Variants in ZFAND3 observed in about 807,000 individuals in gnomAD.
ZFAND3 encodes zinc finger AN1-type containing 3, also known as AN1-type zinc finger protein 3.
Under a neutral mutation model 29.6 loss-of-function variants are expected in ZFAND3, and 10 were observed. The ratio of observed to expected loss-of-function variants is 0.34; its 90% CI spans 0.21 to 0.57. The LOEUF (loss-of-function observed/expected upper bound fraction) is 0.57. Among genes scored for constraint, ZFAND3 ranks in the 20% least tolerant of loss-of-function variants. The pLI is 0.86. For missense variants in ZFAND3, 230 were observed against 304.5 expected (o/e 0.76, Z 1.82); for synonymous variants, 128 against 112.6 (o/e 1.14, Z -0.87).
intron 1 of ZFAND3, among the ~76,000 whole-genome samples, chr6:37,855,566 G>T (rs1281116742): frequency 6.6e-6 from 1 of 152,122 alleles, no homozygotes; most frequent in African/African-American, 2.4e-5. Context: ...TAATGAAAGA[G>T]GGAAGGAATT....
intron 5 of ZFAND3, among the ~76,000 whole-genome samples, chr6:38,120,614 C>A (rs1367297379): frequency 6.6e-6 from 1 of 152,120 alleles, no homozygotes; most frequent in Non-Finnish European, 1.5e-5. Flanking sequence ...GCATGATCCA[C>A]CACGCCCGGC....
chr6:37,962,085 G>A (rs1030729969), intron 2 of ZFAND3, among the ~76,000 whole-genome samples: 1 of 152,162 alleles, frequency 6.6e-6, no homozygotes, highest in African/African-American at 2.4e-5. Context: ...CAAAACATCT[G>A]TTTTGAGGAA....
chr6:37,874,314 G>A (rs1764753008), intron 1 of ZFAND3, among the ~76,000 whole-genome samples: 1 of 152,056 alleles, frequency 6.6e-6, no homozygotes. Context: ...TCGGGAGTTC[G>A]AGAACAGCCT....
chr6:38,144,190 T>TATTATATATATATATATA (rs1562015733), intron 5 of ZFAND3, among the ~76,000 whole-genome samples: 25 of 41,138 alleles, frequency 6.1e-4, no homozygotes, highest in African/African-American at 3.2e-3. Context: ...ATATAATATA[T>TATTATATATATATATATA]ATATATATAT....
At chr6:37,926,731 T>G (rs1436397183) in intron 1 of ZFAND3, among the ~76,000 whole-genome samples, 1 of 152,216 alleles carries the variant, frequency 6.6e-6, no homozygotes, top group Non-Finnish European at 1.5e-5. Context: ...TAAGAGTAGT[T>G]TCACTGCTCC....
intron 2 of ZFAND3, among the ~76,000 whole-genome samples, chr6:38,026,457 G>T (rs1763451662): frequency 4.5e-5 from 5 of 110,190 alleles, no homozygotes; most frequent in Admixed American, 1.3e-4. Context: ...TGAGACAAGA[G>T]TCTCACTCTG....
intron 2 of ZFAND3, among the ~76,000 whole-genome samples, chr6:37,942,251 A>T (rs1761823805): frequency 6.6e-6 from 1 of 150,782 alleles, no homozygotes; most frequent in African/African-American, 2.4e-5. Context: ...AAGAGCCATT[A>T]TAAAAGATCA....
intron 1 of ZFAND3, among the ~76,000 whole-genome samples, chr6:37,847,275 C>T (rs1457776317): frequency 6.6e-6 from 1 of 151,962 alleles, no homozygotes; most frequent in South Asian, 2.1e-4. Flanking sequence ...AACAAGTGCC[C>T]CCAAAAACCT....
At position 38,061,655 on chromosome 6, in the gene ZFAND3, T is replaced by A. The variant is rs775517044; in HGVS notation, c.175T>A (p.Leu59Met). The A allele has an allele frequency of 4.3e-6, 7 of 1,614,184 alleles. No individual in the cohort carries two copies. Among genetic ancestry groups the A allele is most frequent in the South Asian group, 3.3e-5 (3 of 91,080 alleles). The stretch of plus-strand genomic sequence containing the variant: ...AAGTACAAGTAACAGCCAATCAGAT[T>A]TGTTTTCCGAAGAGACCACCAGTGA... ...APSTSNSQSD[L>M]FSEETTSDNN... Residue 59 changes from leucine (L) to methionine (M), a missense_variant, in exon 3 of 6, where the codon TTG (leucine) becomes ATG (methionine). Coordinates refer to ENST00000287218, the MANE Select transcript of ZFAND3 (RefSeq NM_021943.3).
chr6:37,911,404 T>C (rs1765518669), intron 1 of ZFAND3, among the ~76,000 whole-genome samples: 1 of 152,254 alleles, frequency 6.6e-6, no homozygotes, highest in South Asian at 2.1e-4. Context: ...GTTTTCTTGC[T>C]ATTGAGTTGA....
At chr6:37,842,399 G>A (rs750837288) in intron 1 of ZFAND3, among the ~76,000 whole-genome samples, 4 of 152,064 alleles carry the variant, frequency 2.6e-5, no homozygotes, top group African/African-American at 9.7e-5. Flanking sequence ...TTTGAAAGTC[G>A]TATAAATGGA....
chr6:37,884,094 T>C (rs1401642452), intron 1 of ZFAND3, among the ~76,000 whole-genome samples: 3 of 145,402 alleles, frequency 2.1e-5, no homozygotes, highest in Admixed American at 2.0e-4. Context: ...CTTGATCACA[T>C]GGAAGTGGGA....
In ZFAND3 at chr6:37,819,954, C is replaced by T. The variant is rs1471856852; in HGVS notation, c.9C>T (p.Asp3=). 3.3e-6 allele frequency: 4 copies of T among 1,222,394 alleles called. No individual in the cohort carries two copies. The highest frequency in any genetic ancestry group is 4.1e-6 in the Non-Finnish European group (4 of 982,958). The allele number at this position is 1,222,394 out of a possible 1,614,324, so 75.7% of individuals were successfully genotyped here. MG[D]AGSERSKAPS... ...CGCCGCCGCCGAGCACCATGGGAGACGCTGGGAGCGAGCGCAGCAAAGCGC... is the reference window on the plus strand; with the variant it reads ...CGCCGCCGCCGAGCACCATGGGAGATGCTGGGAGCGAGCGCAGCAAAGCGC... Residue 3 remains aspartate (D), a synonymous_variant, in exon 1 of 6, where the codon GAC becomes GAT. Coordinates refer to ENST00000287218, the MANE Select transcript of ZFAND3 (RefSeq NM_021943.3).
intron 4 of ZFAND3, among the ~76,000 whole-genome samples, chr6:38,105,114 G>A (rs1212422759): frequency 6.6e-6 from 1 of 152,298 alleles, no homozygotes; most frequent in East Asian, 1.9e-4. Context: ...GTTAATATAT[G>A]TAAGAGCATT....
intron 1 of ZFAND3, among the ~76,000 whole-genome samples, chr6:37,896,570 CTCTCTTTCTCTCTCTTTCTCTTTT>C: frequency 8.0e-6 from 1 of 124,602 alleles, no homozygotes; most frequent in South Asian, 2.5e-4. Flanking sequence ...TTCTTTCTTT[CTCTCTTTCTCTCTCTTTCTCTTTT>C]TCTTTCTCTC....
intron 3 of ZFAND3, among the ~76,000 whole-genome samples, chr6:38,073,282 T>C (rs1244736052): frequency 1.3e-5 from 2 of 151,286 alleles, no homozygotes; most frequent in African/African-American, 4.9e-5. Flanking sequence ...CTTTTTTCAG[T>C]AGCTGCTGCA....
intron 1 of ZFAND3, among the ~76,000 whole-genome samples, chr6:37,875,223 C>A (rs1332956882): frequency 6.6e-6 from 1 of 152,032 alleles, no homozygotes. Flanking sequence ...CACCCTGGCC[C>A]CCCAATTGGA....
intron 2 of ZFAND3, among the ~76,000 whole-genome samples, chr6:38,023,020 T>C (rs777770102): frequency 1.3e-5 from 2 of 152,176 alleles, no homozygotes; most frequent in African/African-American, 2.4e-5. Flanking sequence ...TCTTTGAAAA[T>C]AAGTAAAATC....
chr6:38,097,629 G>T (rs544541407), intron 4 of ZFAND3, among the ~76,000 whole-genome samples: 2 of 152,220 alleles, frequency 1.3e-5, no homozygotes, highest in African/African-American at 4.8e-5. Context: ...AGGTAAACGT[G>T]GGCTGGCTGC....
Sources: gnomAD v4.1 joint callset for allele counts (sites outside exome capture counted in the v4.1 genomes callset) on GRCh38, gnomAD v4.1.1 for gene constraint, MANE v1.5 for transcripts, NCBI Gene and HGNC (gene_info 2026-07-23, HGNC 2026-07-21) for gene names.